Variants in CHD7 observed in about 807,000 individuals in gnomAD.
CHD7 encodes ATP-dependent chromatin remodeler CHD7.
CHD7 carries 24 observed loss-of-function variants against 307.3 expected under a neutral mutation model. The ratio of observed to expected loss-of-function variants is 0.08; its 90% CI spans 0.06 to 0.11. CHD7 has a LOEUF of 0.11. Among genes scored for constraint, CHD7 ranks in the 10% least tolerant of loss-of-function variants. CHD7 has a pLI of 1.00. For missense variants in CHD7, 3,106 were observed against 3,727.1 expected (o/e 0.83, Z 4.34); for synonymous variants, 1,363 against 1,349.9 (o/e 1.01, Z -0.21).
At chr8:60,699,741 A>G (rs1806664722) in intron 1 of CHD7, among the ~76,000 whole-genome samples, 1 of 152,052 alleles carries the variant, frequency 6.6e-6, no homozygotes, top group South Asian at 2.1e-4. Context: ...CCCAGACTTC[A>G]CGTGTCATCC....
intron 1 of CHD7, among the ~76,000 whole-genome samples, chr8:60,723,905 A>G (rs1808041322): frequency 6.6e-6 from 1 of 152,234 alleles, no homozygotes; most frequent in Non-Finnish European, 1.5e-5. Flanking sequence ...GCAATTTAGG[A>G]TATTTATCAC....
chr8:60,823,267 A>T (rs1303641396), intron 12 of CHD7, among the ~76,000 whole-genome samples: 3 of 152,198 alleles, frequency 2.0e-5, no homozygotes, highest in African/African-American at 7.2e-5. Context: ...ATTAGTGTGT[A>T]TCAACAGTGA....
In CHD7 at chr8:60,759,098, CT is replaced by C. The variant is rs371941414; in HGVS notation, c.1665+16002del. 3.3e-3 allele frequency among the ~76,000 whole-genome samples: 501 copies of C among 152,252 alleles called. 23 individuals are homozygous for C. The South Asian group carries it at 0.093, about 28-fold the overall frequency. On this transcript the variant is annotated intron_variant, in intron 2 of 37. Transcript: ENST00000423902. ...TGTCCTGAAAGAGTCTCAGGGACCC[CT>C]GAGGGTCCACAGAACACACTTTGAA... is the stretch of plus-strand genomic sequence containing the variant.
chr8:60,830,616 T>C (rs1345388684), intron 15 of CHD7, 39 bp downstream of exon 15: 11 of 1,600,096 alleles, frequency 6.9e-6, no homozygotes, highest in Admixed American at 5.1e-5. Context: ...TAAGTGACGA[T>C]TGAAGCACCA....
chr8:60,695,696 G>C (rs1300213248), intron 1 of CHD7, among the ~76,000 whole-genome samples: 3 of 152,160 alleles, frequency 2.0e-5, no homozygotes, highest in Non-Finnish European at 4.4e-5. Flanking sequence ...ATATAAGCAG[G>C]TAATGTGTGG....
At chr8:60,787,584 C>T (rs1183032364) in intron 3 of CHD7, among the ~76,000 whole-genome samples, 1 of 152,018 alleles carries the variant, frequency 6.6e-6, no homozygotes, top group Non-Finnish European at 1.5e-5. Flanking sequence ...AGTAAGACAA[C>T]ACCCTTAAAC....
intron 1 of CHD7, among the ~76,000 whole-genome samples, chr8:60,735,446 C>T (rs767174613): frequency 6.6e-6 from 1 of 152,092 alleles, no homozygotes; most frequent in Non-Finnish European, 1.5e-5. Flanking sequence ...TAATATGATG[C>T]TTGGGGACAA....
Position 60,861,010 on chromosome 8 carries a change from T to C in CHD7, c.7715T>C (p.Ile2572Thr), listed in dbSNP as rs757721295. The stretch of plus-strand genomic sequence containing the variant: ...GACCCAGACACACGGATCCCTGTTA[T>C]CAATCTTGAAGATGGGACTAGGCTG... ...QLDPDTRIPVINLEDGTRLVG... is the reference protein window; with the variant it reads ...QLDPDTRIPVTNLEDGTRLVG... The change falls in exon 35 of 38, where the codon ATC (isoleucine) becomes ACC (threonine). Residue 2572 changes from isoleucine to threonine, a missense_variant. Ile to Thr is a moderately conservative substitution (Grantham distance 89). This residue lies in a region of CHD7 where 1,030 missense variants were observed against 1,165.4 expected (regional missense o/e 0.88). Coordinates refer to ENST00000423902, the MANE Select transcript of CHD7 (RefSeq NM_017780.4). The C allele has an allele frequency of 5.0e-6, 8 of 1,614,014 alleles. No individual in the cohort carries two copies. The highest frequency in any genetic ancestry group is 4.4e-5 in the South Asian group (4 of 91,084).
chr8:60,680,853 A>G (rs546103480), intron 1 of CHD7, among the ~76,000 whole-genome samples: 6 of 152,324 alleles, frequency 3.9e-5, no homozygotes, highest in African/African-American at 1.2e-4. Context: ...ATTATCTAGC[A>G]ATCGATTTAA....
At chr8:60,726,073 A>G (rs1198747043) in intron 1 of CHD7, among the ~76,000 whole-genome samples, 1 of 152,268 alleles carries the variant, frequency 6.6e-6, no homozygotes, top group African/African-American at 2.4e-5. Flanking sequence ...GTTTCCTGGT[A>G]AATATCCCAT....
chr8:60,821,676 A>C (rs944119946), intron 9 of CHD7, 114 bp from the exon 10 acceptor site: 2 of 797,470 alleles, frequency 2.5e-6, no homozygotes, highest in African/African-American at 3.5e-5. Context: ...ATGTATAAAC[A>C]TATATATACA....
chr8:60,780,869 C>T (rs1447358741), intron 2 of CHD7, 131 bp from the exon 3 acceptor site: 2 of 1,184,044 alleles, frequency 1.7e-6, no homozygotes, highest in Middle Eastern at 3.0e-4. Context: ...GATTCTACAA[C>T]TGTATAGTTG....
intron 3 of CHD7, among the ~76,000 whole-genome samples, chr8:60,789,833 A>G (rs970045560): frequency 1.3e-5 from 2 of 152,264 alleles, no homozygotes; most frequent in African/African-American, 4.8e-5. Context: ...GACTACTTGC[A>G]TAAAGGTAGA....
Position 60,866,682 on chromosome 8 carries a change from A to G in CHD7, c.*749A>G, listed in dbSNP as rs1806254739. The G allele has an allele frequency of 6.6e-6, 1 of 152,660 alleles. No individual in the cohort carries two copies. The highest frequency in any genetic ancestry group is 2.4e-5 in the African/African-American group (1 of 41,450). 9.5% of individuals were successfully genotyped at this position (152,660 alleles called of 1,614,324 possible). The stretch of plus-strand genomic sequence containing the variant: ...GAATCAGGTACCTTTTTTAAATTAA[A>G]GGACTTTGTTACTTTAGCCACAAAG... On this transcript the variant is annotated 3_prime_UTR_variant, in exon 38 of 38. Transcript: ENST00000423902.
chr8:60,763,799 T>TG (rs1810339296), intron 2 of CHD7, among the ~76,000 whole-genome samples: 1 of 152,096 alleles, frequency 6.6e-6, no homozygotes, highest in African/African-American at 2.4e-5. Context: ...TTGGACATCC[T>TG]GTCACTACTC....
intron 1 of CHD7, among the ~76,000 whole-genome samples, chr8:60,704,215 AAG>A (rs1469866719): frequency 6.6e-6 from 1 of 152,188 alleles, no homozygotes. Context: ...TAATCCAAAA[AAG>A]TATTCATGTA....
rs1810743046 is a variant in CHD7 at position 60,772,147 on chromosome 8, G to T, written c.1666-8853G>T. ...TAAGCAATTATTGAAAACTAAATTTGCCAGACTCTCAATCTTTGAATCCTG... is the reference window on the plus strand; with the variant it reads ...TAAGCAATTATTGAAAACTAAATTTTCCAGACTCTCAATCTTTGAATCCTG... On this transcript the variant is annotated intron_variant, in intron 2 of 37. Transcript: ENST00000423902. 3.3e-5 allele frequency among the ~76,000 whole-genome samples: 5 copies of T among 152,142 alleles called. No homozygotes were observed. In the South Asian group the frequency reaches 1.0e-3, roughly 32 times the overall value.
chr8:60,718,304 C>T (rs1328434981), intron 1 of CHD7, among the ~76,000 whole-genome samples: 1 of 151,992 alleles, frequency 6.6e-6, no homozygotes, highest in African/African-American at 2.4e-5. Flanking sequence ...TGGCAAAACC[C>T]CATCTCTACT....
At chr8:60,857,770 GT>G (rs1805778121) in intron 34 of CHD7, among the ~76,000 whole-genome samples, 1 of 152,184 alleles carries the variant, frequency 6.6e-6, no homozygotes, top group African/African-American at 2.4e-5. Context: ...GTTTCAACAT[GT>G]TTTTACTTAC....
Sources: allele counts gnomAD v4.1 joint callset (sites outside exome capture counted in the v4.1 genomes callset), GRCh38; gene constraint gnomAD v4.1.1; regional missense constraint gnomAD v4.1.1; transcripts MANE v1.5; gene names NCBI Gene and HGNC (gene_info 2026-07-23, HGNC 2026-07-21).